Variants in ITGA4 observed in about 807,000 individuals in gnomAD.
ITGA4 encodes integrin subunit alpha 4.
ITGA4 carries 63 observed loss-of-function variants against 133.6 expected under a neutral mutation model. The observed-to-expected ratio is 0.47, with a 90% CI of 0.38 to 0.58. ITGA4 has a LOEUF of 0.58. Among genes scored for constraint, ITGA4 ranks in the 20% least tolerant of loss-of-function variants. The pLI, the probability that ITGA4 is intolerant of heterozygous loss-of-function variation, is 0.00. For synonymous variants in ITGA4, 483 were observed against 438.0 expected, an observed-to-expected ratio of 1.10 and a Z score of -1.28; for missense variants, 1,076 against 1,252.7, an observed-to-expected ratio of 0.86 and a Z score of 2.13.
At chr2:181,511,548 G>C in intron 16 of ITGA4, 151 bp from the exon 17 acceptor site, 1 of 531,182 alleles carries the variant, frequency 1.9e-6, no homozygotes, top group Non-Finnish European at 3.3e-6. Flanking sequence ...TTCTCAAATT[G>C]AACTTTTTAA....
At chr2:181,490,903 C>T (rs1452596847) in intron 10 of ITGA4, among the ~76,000 whole-genome samples, 1 of 152,128 alleles carries the variant, frequency 6.6e-6, no homozygotes, top group Non-Finnish European at 1.5e-5. Flanking sequence ...ATAAAATGTT[C>T]AGATAAGAAG....
At chr2:181,502,230 G>T (rs1011462573) in intron 15 of ITGA4, among the ~76,000 whole-genome samples, 2 of 152,054 alleles carry the variant, frequency 1.3e-5, no homozygotes, top group South Asian at 2.1e-4. Flanking sequence ...AGACATTAGT[G>T]GGGGAACGGG....
chr2:181,507,456 A>C (rs1686416846), intron 15 of ITGA4, among the ~76,000 whole-genome samples: 1 of 152,040 alleles, frequency 6.6e-6, no homozygotes, highest in African/African-American at 2.4e-5. Context: ...CCCTTTGAAA[A>C]TCACATTTCT....
intron 22 of ITGA4, among the ~76,000 whole-genome samples, 200 bp from the exon 23 acceptor site, chr2:181,529,341 C>G (rs1335886846): frequency 1.3e-5 from 2 of 152,134 alleles, no homozygotes; most frequent in African/African-American, 2.4e-5. Flanking sequence ...GAAACAATGA[C>G]TCATTTGAAA....
chr2:181,538,084 A>T lies in ITGA4; in HGVS notation c.*2557A>T. ...CCACGGAAAAATTGTCTTCCATGAAACTGGTCCCAAAAAGGGTGGGGACCA... is the reference window on the plus strand; with the variant it reads ...CCACGGAAAAATTGTCTTCCATGAATCTGGTCCCAAAAAGGGTGGGGACCA... On this transcript the variant is annotated 3_prime_UTR_variant, in exon 28 of 28. Coordinates refer to ENST00000397033, the MANE Select transcript of ITGA4 (RefSeq NM_000885.6). 1.3e-6 allele frequency: 1 copy of T among 786,066 alleles called. No homozygotes were observed. Among genetic ancestry groups the T allele is most frequent in the Non-Finnish European group, 2.3e-6 (1 of 443,914 alleles). The allele number at this position is 786,066 out of a possible 1,614,324, so 48.7% of individuals were successfully genotyped here.
chr2:181,498,716 C>T lies in ITGA4; in HGVS notation c.1634C>T (p.Thr545Ile). The T allele has an allele frequency of 3.1e-6, 5 of 1,612,630 alleles. No individual in the cohort carries two copies. The highest frequency in any genetic ancestry group is 4.2e-6 in the Non-Finnish European group (5 of 1,179,050). ...FSSNGTSDVI[T>I]GSIQVSSREA... Reference sequence around the variant, plus strand: ...TCTAATGGAACTTCTGACGTGATTACAGGAAGCATACAGGTGTCCAGCAGA... The same window carrying T: ...TCTAATGGAACTTCTGACGTGATTATAGGAAGCATACAGGTGTCCAGCAGA... The change falls in exon 15 of 28, where the codon ACA becomes ATA. Residue 545 changes from threonine (T) to isoleucine (I), a missense_variant. This residue lies in a region of ITGA4 where 365 missense variants were observed against 421.4 expected (regional missense o/e 0.87). Transcript: ENST00000397033.
At chr2:181,489,444 A>ATT (rs145372638) in intron 10 of ITGA4, among the ~76,000 whole-genome samples, 9 of 152,230 alleles carry the variant, frequency 5.9e-5, no homozygotes, top group African/African-American at 2.2e-4. Flanking sequence ...AGCAGATCAC[A>ATT]TTTTTTATTT....
Position 181,536,781 on chromosome 2 carries a change from ATATTTATTT to A in ITGA4, c.*1258_*1266del. 4.1e-6 allele frequency: 1 copy of A among 244,802 alleles called. No individual in the cohort carries two copies. Among genetic ancestry groups the A allele is most frequent in the South Asian group, 4.7e-5 (1 of 21,124 alleles). 15.2% of individuals were successfully genotyped at this position (244,802 alleles called of 1,614,324 possible). A position where few individuals can be genotyped will look rare whatever the true frequency, so the allele number is the denominator to read the frequency against. Reference sequence around the variant, plus strand: ...TTCTTTAAATACAATCATTTTTGTAATATTTATTTTATGCTTATGATCTAGATAATTGCA... The same window carrying A: ...TTCTTTAAATACAATCATTTTTGTAATATGCTTATGATCTAGATAATTGCA... On this transcript the variant is annotated 3_prime_UTR_variant, in exon 28 of 28. Coordinates refer to ENST00000397033, the MANE Select transcript of ITGA4 (RefSeq NM_000885.6).
chr2:181,464,892 A>G (rs10209150), intron 2 of ITGA4, among the ~76,000 whole-genome samples: 4,945 of 152,224 alleles, frequency 0.032, 141 homozygotes, highest in African/African-American at 0.073. Flanking sequence ...TACAGGTGAC[A>G]GGTCTGGGCT....
In ITGA4 at chr2:181,534,904, T is replaced by C. The variant is rs767901334; in HGVS notation, c.2972T>C (p.Val991Ala). 1 of 1,590,826 alleles carries C rather than the reference T, an allele frequency of 6.3e-7. No homozygotes were observed. Among genetic ancestry groups the C allele is most frequent in the Admixed American group, 1.8e-5 (1 of 54,292 alleles). ...ISSSLLLGLI[V>A]LLLISYVMWK... ...AGTAGCTTGCTACTTGGACTTATTGTACTTCTATTGATCTCATATGTTATG... is the reference window on the plus strand; with the variant it reads ...AGTAGCTTGCTACTTGGACTTATTGCACTTCTATTGATCTCATATGTTATG... Residue 991 changes from valine to alanine, a missense_variant, in exon 27 of 28, where the codon GTA (valine) becomes GCA (alanine). Around this residue, in one of 4 missense-constraint regions of ITGA4, gnomAD observed 193 missense variants for 172.3 expected, o/e 1.12. Coordinates refer to ENST00000397033, the MANE Select transcript of ITGA4 (RefSeq NM_000885.6).
intron 20 of ITGA4, among the ~76,000 whole-genome samples, chr2:181,524,936 A>C (rs1280903848): frequency 6.6e-6 from 1 of 151,406 alleles, no homozygotes; most frequent in Non-Finnish European, 1.5e-5. Context: ...AAATCTTTTA[A>C]TCTAATAAAT....
intron 10 of ITGA4, among the ~76,000 whole-genome samples, chr2:181,492,794 G>A (rs1290787161): frequency 2.6e-5 from 4 of 152,122 alleles, no homozygotes; most frequent in Admixed American, 6.5e-5. Context: ...ATTTTCATTG[G>A]AATAGGAATT....
rs1280664822 is a variant in ITGA4, at chr2:181,523,848, A to G, written c.2169+316A>G. Among the ~76,000 whole-genome samples, 1 of 152,000 alleles carries G rather than the reference A, an allele frequency of 6.6e-6. No individual in the cohort carries two copies. The highest frequency in any genetic ancestry group is 2.4e-5 in the African/African-American group (1 of 41,396). Reference sequence around the variant, plus strand: ...GGTGGTCCTGTCTGCCAGGCATGTTACCTCTGCTATACAAAAAGGTGTTTT... The same window carrying G: ...GGTGGTCCTGTCTGCCAGGCATGTTGCCTCTGCTATACAAAAAGGTGTTTT... On this transcript the variant is annotated intron_variant, in intron 19 of 27. Coordinates refer to ENST00000397033, the MANE Select transcript of ITGA4 (RefSeq NM_000885.6). This position sits in a 1 kb window ranked among gnomAD's most constrained non-coding sequence, Gnocchi z 4.2.
intron 2 of ITGA4, among the ~76,000 whole-genome samples, chr2:181,468,239 T>TG (rs1251715279): frequency 6.6e-6 from 1 of 152,176 alleles, no homozygotes; most frequent in Non-Finnish European, 1.5e-5. Flanking sequence ...CAGAGACTGT[T>TG]TCCTTTCAGA....
At chr2:181,480,306 A>G (rs773565704) in intron 6 of ITGA4, 40 bp downstream of exon 6, 9 of 1,115,358 alleles carry the variant, frequency 8.1e-6, no homozygotes, top group Non-Finnish European at 1.1e-5. Context: ...TCTGTGCCTT[A>G]CAAATACTAG....
intron 17 of ITGA4, among the ~76,000 whole-genome samples, chr2:181,512,060 A>G (rs1686517472): frequency 6.6e-6 from 1 of 152,138 alleles, no homozygotes; most frequent in Admixed American, 6.6e-5. Flanking sequence ...TATGTGTTTT[A>G]GAATAGCATC....
intron 17 of ITGA4, among the ~76,000 whole-genome samples, chr2:181,518,702 C>G (rs1686660468): frequency 6.6e-6 from 1 of 152,046 alleles, no homozygotes; most frequent in Non-Finnish European, 1.5e-5. Context: ...TCTCATAGAG[C>G]TTTATTTACT....
chr2:181,462,177 A>G (rs897879895), intron 2 of ITGA4, among the ~76,000 whole-genome samples: 4 of 152,134 alleles, frequency 2.6e-5, no homozygotes, highest in African/African-American at 9.7e-5. Flanking sequence ...CTTTCCTGAT[A>G]TTTATGCATA....
intron 10 of ITGA4, among the ~76,000 whole-genome samples, chr2:181,491,026 A>G (rs1686041229): frequency 6.6e-6 from 1 of 152,228 alleles, no homozygotes; most frequent in Non-Finnish European, 1.5e-5. Context: ...TCATTTGAAT[A>G]ATGATAGCTA....
Sources: gnomAD v4.1 joint callset for allele counts (sites outside exome capture counted in the v4.1 genomes callset) on GRCh38, gnomAD v4.1.1 for gene constraint, gnomAD v4.1.1 regional missense constraint, Gnocchi (gnomAD v3.1) non-coding constraint, MANE v1.5 for transcripts, NCBI Gene and HGNC (gene_info 2026-07-23, HGNC 2026-07-21) for gene names.